The following LOC400499 variants were observed in gnomAD, a reference collection of about 807,000 sequenced individuals.
At chr16:11,383,776 G>C in the LOC400499 span, 5 of 1,232,228 alleles carry the variant, frequency 4.1e-6, no homozygotes, top group African/African-American at 6.2e-5. Context: ...GAATGGTGTA[G>C]GGTCTACCTG....
At chr16:11,406,663 C>T in the LOC400499 span, among the ~76,000 whole-genome samples, 1 of 152,234 alleles carries the variant, frequency 6.6e-6, no homozygotes, top group South Asian at 2.1e-4. Flanking sequence ...AACTCCTCAC[C>T]TCAGGTCATC....
chr16:11,515,808 A>AGGAGGAGGAAAAGGG, the LOC400499 span: 1 of 235,746 alleles, frequency 4.2e-6, no homozygotes, highest in South Asian at 1.8e-4. Flanking sequence ...GAGGAAGAGG[A>AGGAGGAGGAAAAGGG]AGAAGAGGAG....
chr16:11,424,781 C>T, the LOC400499 span, among the ~76,000 whole-genome samples: 15,969 of 152,082 alleles, frequency 0.11, 841 homozygotes, highest in Middle Eastern at 0.2. Flanking sequence ...TTCATAGCTG[C>T]GGTCCCAGAG....
chr16:11,400,493 T>C, the LOC400499 span, among the ~76,000 whole-genome samples: 1 of 149,762 alleles, frequency 6.7e-6, no homozygotes, highest in Non-Finnish European at 1.5e-5. Flanking sequence ...CAGGCTGGAG[T>C]GCAGTGGCGT....
the LOC400499 span, chr16:11,385,167 A>G: frequency 8.1e-7 from 1 of 1,230,864 alleles, no homozygotes; most frequent in Non-Finnish European, 1.0e-6. Context: ...ACAGGTCTCC[A>G]GGGGAGGCTC....
the LOC400499 span, chr16:11,446,995 G>C: frequency 7.7e-6 from 11 of 1,432,124 alleles, no homozygotes; most frequent in South Asian, 1.4e-5. Flanking sequence ...GTCTCAGCCT[G>C]GGCCTGTCAC....
At chr16:11,418,331 C>T in the LOC400499 span, among the ~76,000 whole-genome samples, 58 of 152,212 alleles carry the variant, frequency 3.8e-4, 1 homozygote, top group East Asian at 8.7e-3. Flanking sequence ...TTCTAAGTCA[C>T]GGGACGACAT....
the LOC400499 span, among the ~76,000 whole-genome samples, chr16:11,489,272 T>C: frequency 0.013 from 2,019 of 152,334 alleles, 24 homozygotes; most frequent in Non-Finnish European, 0.017. Context: ...AGTTCCACCA[T>C]GTACCACTGT....
chr16:11,466,328 C>G, the LOC400499 span, among the ~76,000 whole-genome samples: 2 of 152,190 alleles, frequency 1.3e-5, no homozygotes, highest in South Asian at 2.1e-4. Context: ...TGTGGAACAC[C>G]TGAAATGCGG....
the LOC400499 span, among the ~76,000 whole-genome samples, chr16:11,396,861 G>GC: frequency 6.6e-6 from 1 of 152,154 alleles, no homozygotes; most frequent in Non-Finnish European, 1.5e-5. Flanking sequence ...CTCTGGCATG[G>GC]CCCGTGGCCT....
chr16:11,417,057 A>C, the LOC400499 span, among the ~76,000 whole-genome samples: 1 of 152,036 alleles, frequency 6.6e-6, no homozygotes, highest in Non-Finnish European at 1.5e-5. Flanking sequence ...TGTTGCTTTT[A>C]TCTTCCCACC....
At chr16:11,425,163 C>T in the LOC400499 span, 1 of 399,050 alleles carries the variant, frequency 2.5e-6, no homozygotes, top group Non-Finnish European at 4.4e-6. Context: ...TGTCGGGCCA[C>T]CCGCAAGCTG....
the LOC400499 span, among the ~76,000 whole-genome samples, chr16:11,380,591 G>A: frequency 4.2e-3 from 635 of 152,098 alleles, 2 homozygotes; most frequent in African/African-American, 0.015. Flanking sequence ...CCTTTATTTT[G>A]TAACTTATAA....
the LOC400499 span, chr16:11,435,810 G>A: frequency 2.0e-5 from 8 of 399,212 alleles, no homozygotes; most frequent in East Asian, 3.6e-5. Flanking sequence ...ACCAGCTCCC[G>A]GCCAGACATT....
chr16:11,479,024 T>C, the LOC400499 span, among the ~76,000 whole-genome samples: 5 of 152,334 alleles, frequency 3.3e-5, no homozygotes, highest in African/African-American at 1.2e-4. Flanking sequence ...ACTGTAAATC[T>C]ATTAAATTTC....
chr16:11,479,183 G>T, the LOC400499 span, among the ~76,000 whole-genome samples: 1 of 152,190 alleles, frequency 6.6e-6, no homozygotes, highest in Non-Finnish European at 1.5e-5. Flanking sequence ...GATGAGGCGT[G>T]CAAAACTCCT....
the LOC400499 span, among the ~76,000 whole-genome samples, chr16:11,373,261 A>G: frequency 6.6e-6 from 1 of 152,216 alleles, no homozygotes; most frequent in Admixed American, 6.5e-5. Flanking sequence ...AGTGGGGTGG[A>G]CAAGGGCACA....
chr16:11,435,931 G>A, the LOC400499 span: 1 of 398,920 alleles, frequency 2.5e-6, no homozygotes, highest in Non-Finnish European at 4.4e-6. Context: ...CCTGGGTGTG[G>A]GGGAGGGCTG....
the LOC400499 span, among the ~76,000 whole-genome samples, chr16:11,389,259 T>C: frequency 6.6e-6 from 1 of 152,232 alleles, no homozygotes; most frequent in Non-Finnish European, 1.5e-5. Flanking sequence ...ATCTCACCGA[T>C]GTTCCTTCTC....
Sources: allele counts gnomAD v4.1 joint callset (sites outside exome capture counted in the v4.1 genomes callset), GRCh38; gene constraint gnomAD v4.1.1; transcripts MANE v1.5.